PIBF1: variants seen among roughly 807,000 people sequenced by gnomAD.
PIBF1 encodes the protein progesterone immunomodulatory binding factor 1.
In PIBF1, 90 loss-of-function variants were observed where a neutral mutation model predicts 112.5. The observed-to-expected ratio is 0.80, with a 90% CI of 0.67 to 0.95. The LOEUF (loss-of-function observed/expected upper bound fraction) is 0.95, where lower values mean the gene tolerates loss of function less well. PIBF1 is among the 40% of genes least tolerant of loss of function. The pLI, the probability that PIBF1 is intolerant of heterozygous loss-of-function variation, is 0.00. For synonymous variants in PIBF1, 301 were observed against 288.6 expected (o/e 1.04, Z -0.44); for missense variants, 915 against 852.3 (o/e 1.07, Z -0.92).
intron 2 of PIBF1, among the ~76,000 whole-genome samples, chr13:72,790,112 A>G (rs1424094618): frequency 6.6e-6 from 1 of 152,092 alleles, no homozygotes; most frequent in Non-Finnish European, 1.5e-5. Flanking sequence ...TTAGCCCATC[A>G]CCATTTTTTA....
At chr13:73,015,469 A>G (rs769626357) in intron 17 of PIBF1, among the ~76,000 whole-genome samples, 11 of 152,246 alleles carry the variant, frequency 7.2e-5, no homozygotes, top group Non-Finnish European at 1.5e-4. Flanking sequence ...TCTAAAACAC[A>G]ATAATTTGGA....
At chr13:72,790,865 T>A (rs966633579) in intron 2 of PIBF1, among the ~76,000 whole-genome samples, 1 of 152,110 alleles carries the variant, frequency 6.6e-6, no homozygotes, top group Non-Finnish European at 1.5e-5. Flanking sequence ...AAAACTATAT[T>A]GAAGTTTTGC....
intron 13 of PIBF1, among the ~76,000 whole-genome samples, chr13:72,925,325 T>C (rs2041442190): frequency 6.6e-6 from 1 of 152,148 alleles, no homozygotes; most frequent in Non-Finnish European, 1.5e-5. Flanking sequence ...CAGTATTGGT[T>C]GGGTTATGAA....
intron 4 of PIBF1, 135 bp from the exon 5 acceptor site, chr13:72,797,772 A>G (rs2035266138): frequency 1.6e-6 from 1 of 608,068 alleles, no homozygotes; most frequent in Non-Finnish European, 2.8e-6. Flanking sequence ...ATTAGTGGCT[A>G]GGGTCCATTA....
chr13:72,871,556 G>A (rs533882146), intron 10 of PIBF1, among the ~76,000 whole-genome samples: 15 of 151,916 alleles, frequency 9.9e-5, no homozygotes, highest in South Asian at 2.1e-4. Flanking sequence ...CACCTGCCTC[G>A]GCCTCCTAAA....
chr13:72,963,573 G>A (rs144497305), intron 14 of PIBF1, among the ~76,000 whole-genome samples: 84 of 152,226 alleles, frequency 5.5e-4, no homozygotes, highest in African/African-American at 1.9e-3. Flanking sequence ...CAGCCTGGGT[G>A]ACAGAGCAAG....
At chr13:72,885,366 C>G (rs1481483552) in intron 10 of PIBF1, among the ~76,000 whole-genome samples, 1 of 151,926 alleles carries the variant, frequency 6.6e-6, no homozygotes, top group East Asian at 1.9e-4. Flanking sequence ...AGAGACTGCC[C>G]CTCATCAAAT....
At chr13:72,833,127 A>G (rs1388397258) in intron 8 of PIBF1, among the ~76,000 whole-genome samples, 2 of 151,970 alleles carry the variant, frequency 1.3e-5, no homozygotes, top group Non-Finnish European at 2.9e-5. Context: ...CAGGTTATTT[A>G]TATTCTTCTC....
rs1424342089 is a variant in PIBF1, at chr13:72,799,054, C to A, written c.672+1028C>A. On this transcript the variant is annotated intron_variant, in intron 5 of 17. Coordinates refer to ENST00000326291, the MANE Select transcript of PIBF1 (RefSeq NM_006346.4). The stretch of plus-strand genomic sequence containing the variant: ...TGCCTGCCCTTCTAGAGTTTACTTT[C>A]TAGCAGGTTAGGATTAGAACGTTAG... Among the ~76,000 whole-genome samples the A allele has an allele frequency of 1.3e-5, 2 of 152,160 alleles. 1 individual carries two copies. Among genetic ancestry groups the A allele is most frequent in the South Asian group, 4.1e-4 (2 of 4,828 alleles).
chr13:72,997,418 A>G (rs1414719920), intron 16 of PIBF1, among the ~76,000 whole-genome samples: 2 of 152,222 alleles, frequency 1.3e-5, no homozygotes, highest in Non-Finnish European at 2.9e-5. Flanking sequence ...CAGATTGGCA[A>G]TGTCTGCAAG....
chr13:72,869,180 G>A lies in PIBF1; in HGVS notation c.1322+15025G>A, dbSNP rs546744605. ...ACACATGCACACGTATGTTTATCAC[G>A]GCATTATTCACAATAGCAAAGACTT... On this transcript the variant is annotated intron_variant, in intron 10 of 17. Coordinates refer to ENST00000326291, the MANE Select transcript of PIBF1 (RefSeq NM_006346.4). Among the ~76,000 whole-genome samples the A allele has an allele frequency of 6.7e-4, 102 of 152,142 alleles. 1 individual carries two copies. Among genetic ancestry groups the A allele is most frequent in the Admixed American group, 1.5e-3 (23 of 15,268 alleles).
intron 9 of PIBF1, chr13:72,836,168 C>T (rs1396606733): frequency 4.6e-6 from 2 of 437,920 alleles, no homozygotes; most frequent in Admixed American, 2.5e-5. Flanking sequence ...AAATATTAGG[C>T]TCACCTAGTT....
intron 10 of PIBF1, among the ~76,000 whole-genome samples, chr13:72,862,819 T>G (rs2038753162): frequency 6.6e-6 from 1 of 152,140 alleles, no homozygotes; most frequent in African/African-American, 2.4e-5. Flanking sequence ...ATCAAAGAAC[T>G]CATGGACTGA....
chr13:72,793,725 TGTG>T (rs947783431), intron 3 of PIBF1, among the ~76,000 whole-genome samples: 1 of 152,136 alleles, frequency 6.6e-6, no homozygotes, highest in Non-Finnish European at 1.5e-5. Context: ...ATGGATTCAA[TGTG>T]GGGCTTAAGA....
intron 13 of PIBF1, among the ~76,000 whole-genome samples, chr13:72,928,856 A>G (rs1322636280): frequency 6.6e-6 from 1 of 152,206 alleles, no homozygotes; most frequent in African/African-American, 2.4e-5. Flanking sequence ...CTCAAACCAA[A>G]TGAACAATTT....
At chr13:72,841,635 G>C (rs546305075) in intron 9 of PIBF1, among the ~76,000 whole-genome samples, 1 of 152,076 alleles carries the variant, frequency 6.6e-6, no homozygotes, top group Non-Finnish European at 1.5e-5. Context: ...TTAGCCAGGC[G>C]TGGTGGCACA....
Position 72,870,672 on chromosome 13 carries a change from T to C in PIBF1, c.1322+16517T>C, listed in dbSNP as rs539516665. ...TTTATATATGTTAAGAAGTCTGTTG[T>C]AGGCTGTGAATGTCCCTATCTGTTT... On this transcript the variant is annotated intron_variant, in intron 10 of 17. Transcript: ENST00000326291. 7.2e-5 allele frequency among the ~76,000 whole-genome samples: 11 copies of C among 152,230 alleles called. No individual in the cohort carries two copies. In the South Asian group the frequency reaches 2.1e-3, roughly 29 times the overall value.
intron 10 of PIBF1, 63 bp from the exon 11 acceptor site, chr13:72,893,721 A>G: frequency 9.6e-7 from 1 of 1,040,188 alleles, no homozygotes; most frequent in Non-Finnish European, 1.3e-6. Flanking sequence ...AGTAAGGTTT[A>G]TGATTACTTA....
At chr13:72,855,656 A>T (rs539523638) in intron 10 of PIBF1, among the ~76,000 whole-genome samples, 20 of 152,096 alleles carry the variant, frequency 1.3e-4, no homozygotes, top group African/African-American at 1.7e-4. Flanking sequence ...CTCAAAAAAA[A>T]TTTTTTTAGT....
Sources: allele counts gnomAD v4.1 joint callset (sites outside exome capture counted in the v4.1 genomes callset), GRCh38; gene constraint gnomAD v4.1.1; transcripts MANE v1.5; gene names NCBI Gene and HGNC (gene_info 2026-07-23, HGNC 2026-07-21).